ZDHHC20: variants seen among roughly 807,000 people sequenced by gnomAD.
ZDHHC20 encodes palmitoyltransferase ZDHHC20.
Under a neutral mutation model 57.8 loss-of-function variants are expected in ZDHHC20, and 43 were observed. The ratio of observed to expected loss-of-function variants is 0.74; its 90% confidence interval spans 0.58 to 0.96. ZDHHC20 has a LOEUF of 0.96. ZDHHC20 is among the 40% of genes least tolerant of loss of function. The pLI is 0.00. For synonymous variants in ZDHHC20, 157 were observed against 153.0 expected, an observed-to-expected ratio of 1.03 and a Z score of -0.19; for missense variants, 391 against 441.1, an observed-to-expected ratio of 0.89 and a Z score of 1.02.
chr13:21,431,847 G>C (rs1257464689), intron 1 of ZDHHC20, among the ~76,000 whole-genome samples: 1 of 152,064 alleles, frequency 6.6e-6, no homozygotes, highest in African/African-American at 2.4e-5. Context: ...ATATATTCTG[G>C]ATACAAATCT....
chr13:21,435,756 G>C (rs562074409), intron 1 of ZDHHC20, among the ~76,000 whole-genome samples: 1 of 152,318 alleles, frequency 6.6e-6, no homozygotes, highest in African/African-American at 2.4e-5. Flanking sequence ...AAAGGAGTAA[G>C]TGAAAGTAAT....
chr13:21,386,535 T>C (rs1025969032), intron 9 of ZDHHC20, among the ~76,000 whole-genome samples: 1 of 152,194 alleles, frequency 6.6e-6, no homozygotes, highest in African/African-American at 2.4e-5. Context: ...GCATAACATT[T>C]AGCAACATCT....
intron 3 of ZDHHC20, among the ~76,000 whole-genome samples, chr13:21,420,250 G>A (rs1209981819): frequency 6.6e-6 from 1 of 152,144 alleles, no homozygotes; most frequent in Admixed American, 6.6e-5. Context: ...TCGTGCCATC[G>A]TACTCCAGCC....
At chr13:21,385,072 G>T (rs1014792408) in intron 9 of ZDHHC20, among the ~76,000 whole-genome samples, 1 of 151,988 alleles carries the variant, frequency 6.6e-6, no homozygotes, top group Non-Finnish European at 1.5e-5. Flanking sequence ...AGGAAAAATA[G>T]ATACAATTAA....
intron 7 of ZDHHC20, among the ~76,000 whole-genome samples, chr13:21,395,587 C>T (rs1286763450): frequency 2.7e-5 from 4 of 149,436 alleles, no homozygotes; most frequent in African/African-American, 9.9e-5. Context: ...CTGGAACCTC[C>T]GCCTCCCGGG....
intron 7 of ZDHHC20, among the ~76,000 whole-genome samples, chr13:21,392,128 A>G (rs956333858): frequency 4.0e-5 from 6 of 151,888 alleles, no homozygotes; most frequent in South Asian, 4.2e-4. Flanking sequence ...CTGTAATCCC[A>G]GCTATTGGGG....
At chr13:21,452,149 G>A (rs1751556148) in intron 1 of ZDHHC20, among the ~76,000 whole-genome samples, 1 of 152,086 alleles carries the variant, frequency 6.6e-6, no homozygotes, top group Admixed American at 6.5e-5. Context: ...GGGATGTTCA[G>A]AAAAGGCATT....
Position 21,375,363 on chromosome 13 carries a change from G to C in ZDHHC20, c.*1333C>G, listed in dbSNP as rs558708351. Reference sequence around the variant, plus strand: ...TTTTGGGGGGGGTGTGTGTGTGTGTGTGTCTGTCTGTCTAAAAGGTGTAAA... The same window carrying C: ...TTTTGGGGGGGGTGTGTGTGTGTGTCTGTCTGTCTGTCTAAAAGGTGTAAA... On this transcript the variant is annotated 3_prime_UTR_variant, in exon 13 of 13. Transcript: ENST00000400590. 245 of 349,826 alleles carry C rather than the reference G, an allele frequency of 7.0e-4. 2 individuals carry two copies. The highest frequency in any genetic ancestry group is 4.8e-3 in the African/African-American group (222 of 46,068). 21.7% of individuals were successfully genotyped at this position (349,826 alleles called of 1,614,324 possible). A position where few individuals can be genotyped will look rare whatever the true frequency, so the allele number is the denominator to read the frequency against.
intron 4 of ZDHHC20, among the ~76,000 whole-genome samples, chr13:21,403,797 C>T (rs1324106881): frequency 6.6e-6 from 1 of 152,156 alleles, no homozygotes. Flanking sequence ...AAGCAATTCT[C>T]CTGCCTCAGC....
chr13:21,449,647 CT>C (rs113924240), intron 1 of ZDHHC20, among the ~76,000 whole-genome samples: 332 of 144,226 alleles, frequency 2.3e-3, no homozygotes, highest in Middle Eastern at 3.6e-3. Context: ...TATTATTATA[CT>C]TTTTTTTTTT....
chr13:21,380,415 G>T (rs1206406995), intron 11 of ZDHHC20, among the ~76,000 whole-genome samples: 1 of 152,004 alleles, frequency 6.6e-6, no homozygotes, highest in African/African-American at 2.4e-5. Context: ...TTCCTGGCCA[G>T]TGTGCTCTTT....
chr13:21,442,495 C>T (rs1466943346), intron 1 of ZDHHC20, among the ~76,000 whole-genome samples: 1 of 152,186 alleles, frequency 6.6e-6, no homozygotes, highest in Non-Finnish European at 1.5e-5. Context: ...TGACTCATGC[C>T]CGTAATCCCA....
chr13:21,424,505 C>T (rs937593675), intron 2 of ZDHHC20, among the ~76,000 whole-genome samples: 11 of 152,052 alleles, frequency 7.2e-5, no homozygotes, highest in Non-Finnish European at 1.5e-4. Flanking sequence ...GTCAGGAGAT[C>T]GAGACCATCC....
At chr13:21,411,397 C>T (rs1879200240) in intron 4 of ZDHHC20, among the ~76,000 whole-genome samples, 1 of 152,122 alleles carries the variant, frequency 6.6e-6, no homozygotes, top group African/African-American at 2.4e-5. Context: ...GAGGTAAAAC[C>T]ATATAATGTA....
At chr13:21,453,015 T>G (rs576940871) in intron 1 of ZDHHC20, among the ~76,000 whole-genome samples, 1 of 152,300 alleles carries the variant, frequency 6.6e-6, no homozygotes, top group South Asian at 2.1e-4. Flanking sequence ...CAAAACCCCC[T>G]ATTAAAAGGC....
chr13:21,452,882 T>A (rs1884584842), intron 1 of ZDHHC20, among the ~76,000 whole-genome samples: 1 of 151,608 alleles, frequency 6.6e-6, no homozygotes, highest in Non-Finnish European at 1.5e-5. Flanking sequence ...ATTGTAAAGA[T>A]CAATTAATTC....
rs2137590008 is a variant in ZDHHC20 at position 21,375,124 on chromosome 13, ACT to A, written c.*1570_*1571del. On this transcript the variant is annotated 3_prime_UTR_variant, in exon 13 of 13. Transcript: ENST00000400590. ...ACTCCTGCCTGGGAGACAGAGCAAA[ACT>A]CTGTGGAAAAAAGAAGAAAAAAATT... 2.2e-6 allele frequency: 1 copy of A among 456,222 alleles called. No homozygotes were observed. Among genetic ancestry groups the A allele is most frequent in the African/African-American group, 2.0e-5 (1 of 50,172 alleles). 28.3% of individuals were successfully genotyped at this position (456,222 alleles called of 1,614,324 possible).
intron 2 of ZDHHC20, among the ~76,000 whole-genome samples, chr13:21,424,431 C>T (rs28719719): frequency 0.057 from 8,725 of 152,232 alleles, 354 homozygotes; most frequent in Non-Finnish European, 0.092. Flanking sequence ...ACTCTTTGGC[C>T]AGGCAACGTG....
chr13:21,374,263 C>A lies in ZDHHC20; in HGVS notation c.*2433G>T. 3.6e-6 allele frequency: 1 copy of A among 279,114 alleles called. No individual in the cohort carries two copies. The highest frequency in any genetic ancestry group is 3.4e-5 in the South Asian group (1 of 29,622). 17.3% of individuals were successfully genotyped at this position (279,114 alleles called of 1,614,324 possible). On this transcript the variant is annotated 3_prime_UTR_variant, in exon 13 of 13. Coordinates refer to ENST00000400590, the MANE Select transcript of ZDHHC20 (RefSeq NM_001330059.2). Reference sequence around the variant, plus strand: ...ATTTTTGAGATGGAGTTTCACTCGTCGCCCAGGCTGGAGTGCAGTGGCACG... The same window carrying A: ...ATTTTTGAGATGGAGTTTCACTCGTAGCCCAGGCTGGAGTGCAGTGGCACG...
Sources: allele counts gnomAD v4.1 joint callset (sites outside exome capture counted in the v4.1 genomes callset), GRCh38; gene constraint gnomAD v4.1.1; transcripts MANE v1.5; gene names NCBI Gene and HGNC (gene_info 2026-07-23, HGNC 2026-07-21).